RGSL1: variants seen among roughly 807,000 people sequenced by gnomAD.
The protein encoded by RGSL1 is regulator of G protein signaling protein-like.
In RGSL1, 97 loss-of-function variants were observed where a neutral mutation model predicts 124.7. That is an observed-to-expected ratio of 0.78 (90% CI 0.66 to 0.92). The LOEUF (loss-of-function observed/expected upper bound fraction) is 0.92, where lower values mean the gene tolerates loss of function less well. Among genes scored for constraint, RGSL1 ranks in the 40% least tolerant of loss-of-function variants. The pLI is 0.00. For synonymous variants in RGSL1, 424 were observed against 438.1 expected, an observed-to-expected ratio of 0.97 and a Z score of 0.40; for missense variants, 1,233 against 1,288.4, an observed-to-expected ratio of 0.96 and a Z score of 0.66.
rs918371604 is a variant in RGSL1, at chr1:182,470,053, T to G, written c.302-2343T>G. Among the ~76,000 whole-genome samples the G allele has an allele frequency of 6.6e-5, 10 of 152,234 alleles. No individual in the cohort carries two copies. In the East Asian group the frequency reaches 1.7e-3, roughly 26 times the overall value. On this transcript the variant is annotated intron_variant, in intron 4 of 21. Coordinates refer to ENST00000294854, the MANE Select transcript of RGSL1 (RefSeq NM_001137669.2). The stretch of plus-strand genomic sequence containing the variant: ...TTTAATGAGTAAAGAGTTTCAGTTT[T>G]GCAAGATGAAAAGAATTTTGGAGGC...
chr1:182,532,524 A>G, intron 13 of RGSL1, 138 bp from the exon 14 acceptor site: 6 of 735,038 alleles, frequency 8.2e-6, no homozygotes, highest in South Asian at 4.0e-5. Context: ...TCACCTTTAA[A>G]TTGGAGCTAA....
chr1:182,464,615 T>C (rs1464788485), intron 4 of RGSL1, among the ~76,000 whole-genome samples: 1 of 151,654 alleles, frequency 6.6e-6, no homozygotes, highest in Non-Finnish European at 1.5e-5. Flanking sequence ...TCCCAGCTAC[T>C]TGGGAGGCTG....
Position 182,453,993 on chromosome 1 carries a change from G to A in RGSL1, c.49G>A (p.Glu17Lys). 1 of 1,536,320 alleles carries A rather than the reference G, an allele frequency of 6.5e-7. No individual in the cohort carries two copies. The highest frequency in any genetic ancestry group is 8.8e-7 in the Non-Finnish European group (1 of 1,133,142). ...TTCTACAAATCTTATAATTCTGCTA[G>A]AGGATGAAGTCTTTGCCGATTTTTT... ...IGSTNLIILL[E>K]DEVFADFFNT... The change falls in exon 2 of 22, where the codon GAG (glutamate) becomes AAG (lysine). Residue 17 changes from glutamate to lysine, a missense_variant. Coordinates refer to ENST00000294854, the MANE Select transcript of RGSL1 (RefSeq NM_001137669.2).
At position 182,474,164 on chromosome 1, in the gene RGSL1, C is replaced by T. The variant is rs1428070208; in HGVS notation, c.1053C>T (p.His351=). 5 of 1,552,088 alleles carry T rather than the reference C, an allele frequency of 3.2e-6. 1 individual carries two copies. The South Asian group carries it at 5.9e-5, about 18-fold the overall frequency. ...HLRTVIPIVN[H]SSKMTIQKAI... is the part of the protein sequence containing the mutation. ...GGACTGTCATCCCCATTGTCAATCA[C>T]TCCTCCAAGATGACAATTCAGAAGG... The change falls in exon 6 of 22, where the codon CAC becomes CAT. Residue 351 remains histidine, a synonymous_variant. Transcript: ENST00000294854.
chr1:182,481,053 AAAG>A (rs1654668497), intron 6 of RGSL1, among the ~76,000 whole-genome samples: 2 of 152,170 alleles, frequency 1.3e-5, no homozygotes, highest in African/African-American at 4.8e-5. Flanking sequence ...AGAACCAGAA[AAAG>A]AAGAACTAAA....
intron 1 of RGSL1, among the ~76,000 whole-genome samples, chr1:182,451,930 T>C (rs1418705879): frequency 6.6e-6 from 1 of 151,118 alleles, no homozygotes; most frequent in Non-Finnish European, 1.5e-5. Flanking sequence ...AGAGAAACCA[T>C]ACAGCATGAT....
chr1:182,528,759 G>T (rs994003252), intron 11 of RGSL1, among the ~76,000 whole-genome samples: 1 of 152,160 alleles, frequency 6.6e-6, no homozygotes, highest in Non-Finnish European at 1.5e-5. Context: ...CCAACTCCCA[G>T]TACCAATTTA....
At chr1:182,544,575 A>G (rs567842601) in intron 15 of RGSL1, among the ~76,000 whole-genome samples, 220 of 140,120 alleles carry the variant, frequency 1.6e-3, no homozygotes, top group Non-Finnish European at 2.5e-3. Context: ...TGATCTGTCC[A>G]TTACTAAGAG....
chr1:182,489,705 G>T (rs1317313244), intron 8 of RGSL1, among the ~76,000 whole-genome samples: 2 of 152,236 alleles, frequency 1.3e-5, no homozygotes, highest in African/African-American at 2.4e-5. Context: ...TGTCCCAGAA[G>T]TCTGGGGTTA....
At chr1:182,548,101 G>C (rs1326933558) in intron 15 of RGSL1, among the ~76,000 whole-genome samples, 2 of 152,168 alleles carry the variant, frequency 1.3e-5, no homozygotes, top group Non-Finnish European at 2.9e-5. Flanking sequence ...TTGTGGTGAA[G>C]ACATTCACTT....
chr1:182,548,752 G>C lies in RGSL1; in HGVS notation c.2861G>C (p.Gly954Ala), dbSNP rs1197358997. 4.5e-6 allele frequency: 7 copies of C among 1,551,504 alleles called. No homozygotes were observed. Among genetic ancestry groups the C allele is most frequent in the Non-Finnish European group, 6.1e-6 (7 of 1,147,002 alleles). ...KDAILAAITE[G>A]YLDRSVFHGA... ...GCCATCCTTGCTGCCATCACAGAGGGCTACCTAGATCGGAGCGTCTTCCAT... is the reference window on the plus strand; with the variant it reads ...GCCATCCTTGCTGCCATCACAGAGGCCTACCTAGATCGGAGCGTCTTCCAT... Residue 954 changes from glycine to alanine, a missense_variant, in exon 17 of 22, where the codon GGC becomes GCC. Coordinates refer to ENST00000294854, the MANE Select transcript of RGSL1 (RefSeq NM_001137669.2).
chr1:182,465,972 A>C lies in RGSL1; in HGVS notation c.301+5839A>C, dbSNP rs190617704. On this transcript the variant is annotated intron_variant, in intron 4 of 21. Transcript: ENST00000294854. ...TTAAAAGGATTAAACACCATGACCA[A>C]AAGGGATATTTTTCCTGGAATGCAA... Among the ~76,000 whole-genome samples, 5 of 152,282 alleles carry C rather than the reference A, an allele frequency of 3.3e-5. 1 individual carries two copies. The highest frequency in any genetic ancestry group is 3.3e-4 in the Admixed American group (5 of 15,300).
intron 10 of RGSL1, among the ~76,000 whole-genome samples, chr1:182,525,806 GT>G (rs1374411015): frequency 6.6e-6 from 1 of 152,040 alleles, no homozygotes; most frequent in East Asian, 1.9e-4. Context: ...AGGTAAATAA[GT>G]TAGTTTTTTG....
At chr1:182,536,787 A>C (rs1208405199) in intron 14 of RGSL1, among the ~76,000 whole-genome samples, 5 of 152,066 alleles carry the variant, frequency 3.3e-5, no homozygotes, top group African/African-American at 1.2e-4. Context: ...AAACCATCAG[A>C]TCTCGTGAGA....
chr1:182,525,943 G>A (rs1375823090), intron 10 of RGSL1, among the ~76,000 whole-genome samples: 1 of 152,024 alleles, frequency 6.6e-6, no homozygotes, highest in African/African-American at 2.4e-5. Flanking sequence ...TAATAAGACT[G>A]TAAGGAAATG....
intron 4 of RGSL1, among the ~76,000 whole-genome samples, chr1:182,462,951 T>C (rs1383868873): frequency 1.3e-5 from 2 of 152,232 alleles, no homozygotes; most frequent in African/African-American, 2.4e-5. Flanking sequence ...AAAAGAGCTA[T>C]AAGGTGTATA....
chr1:182,481,683 A>G (rs1216918329), intron 6 of RGSL1, among the ~76,000 whole-genome samples: 1 of 152,206 alleles, frequency 6.6e-6, no homozygotes, highest in African/African-American at 2.4e-5. Flanking sequence ...GCAAATATTC[A>G]CAAGAAAATA....
At chr1:182,524,442 G>GA (rs1406773098) in intron 10 of RGSL1, among the ~76,000 whole-genome samples, 1 of 152,036 alleles carries the variant, frequency 6.6e-6, no homozygotes, top group Non-Finnish European at 1.5e-5. Context: ...AATGAAGGGA[G>GA]AAAATCAGAC....
intron 8 of RGSL1, among the ~76,000 whole-genome samples, chr1:182,491,418 T>C (rs1340533662): frequency 6.6e-6 from 1 of 152,054 alleles, no homozygotes; most frequent in Non-Finnish European, 1.5e-5. Context: ...TTTCACTATG[T>C]TGGCCAGGCT....
Sources: gnomAD v4.1 joint callset for allele counts (sites outside exome capture counted in the v4.1 genomes callset) on GRCh38, gnomAD v4.1.1 for gene constraint, MANE v1.5 for transcripts, NCBI Gene and HGNC (gene_info 2026-07-23, HGNC 2026-07-21) for gene names.